The following DNAH11 variants were observed in gnomAD, a reference collection of about 807,000 sequenced individuals.
The protein encoded by DNAH11 is axonemal beta dynein heavy chain 11.
In DNAH11, 442 loss-of-function variants were observed where a neutral mutation model predicts 526.0. The observed-to-expected ratio is 0.84, with a 90% CI of 0.78 to 0.91. DNAH11 has a LOEUF of 0.91. DNAH11 is among the 40% of genes least tolerant of loss of function. DNAH11 has a pLI of 0.00. For missense variants in DNAH11, 6,989 were observed against 5,448.7 expected (o/e 1.28, Z -8.90); for synonymous variants, 2,461 against 1,935.9 (o/e 1.27, Z -7.12).
chr7:21,756,232 C>A (rs112667964), intron 54 of DNAH11, among the ~76,000 whole-genome samples: 10 of 152,080 alleles, frequency 6.6e-5, no homozygotes, highest in African/African-American at 1.9e-4. Flanking sequence ...AGATGGCTTT[C>A]CTACTGTTCC....
chr7:21,624,295 T>G (rs957971073), intron 25 of DNAH11, among the ~76,000 whole-genome samples: 1 of 152,200 alleles, frequency 6.6e-6, no homozygotes, highest in Non-Finnish European at 1.5e-5. Context: ...TTGGTTAAAT[T>G]TGCTCAAGTA....
rs1459160363 is a variant in DNAH11 at position 21,807,986 on chromosome 7, C to G, written c.10269C>G (p.Pro3423=). ...CGGCATTTGTGTCTTACGTCGGACC[C>G]TTCACAAGGCAGTATCGCCAGGAGC... ...LTAAFVSYVG[P]FTRQYRQELV... The change falls in exon 63 of 82, where the codon CCC becomes CCG. Residue 3423 remains proline (P), a synonymous_variant. Coordinates refer to ENST00000409508, the MANE Select transcript of DNAH11 (RefSeq NM_001277115.2). 1.9e-6 allele frequency: 3 copies of G among 1,596,836 alleles called. No individual in the cohort carries two copies. In the African/African-American group the frequency reaches 4.0e-5, roughly 21 times the overall value.
chr7:21,720,709 ATTTCTT>A lies in DNAH11; in HGVS notation c.7135-8_7135-3del. On this transcript the variant is annotated splice_polypyrimidine_tract_variant and intron_variant, in intron 43 of 81. Transcript: ENST00000409508. ...TAAAAAAATGTTGCCTTATTTGACT[ATTTCTT>A]TTTCTTTAGACTCTATGTGTTCTTT... is the stretch of plus-strand genomic sequence containing the variant. 2 of 1,539,052 alleles carry A rather than the reference ATTTCTT, an allele frequency of 1.3e-6. No individual in the cohort carries two copies. Among genetic ancestry groups the A allele is most frequent in the Non-Finnish European group, 1.7e-6 (2 of 1,144,038 alleles).
chr7:21,566,716 T>C lies in DNAH11; in HGVS notation c.1194+2319T>C, dbSNP rs529153357. On this transcript the variant is annotated intron_variant, in intron 6 of 81. Coordinates refer to ENST00000409508, the MANE Select transcript of DNAH11 (RefSeq NM_001277115.2). Reference sequence around the variant, plus strand: ...GCTCCATATTTTAAAATAAGTTTTTTTAATGTCTGAATGTGACCTAATACA... The same window carrying C: ...GCTCCATATTTTAAAATAAGTTTTTCTAATGTCTGAATGTGACCTAATACA... Among the ~76,000 whole-genome samples the C allele has an allele frequency of 7.9e-5, 12 of 152,302 alleles. No homozygotes were observed. In the East Asian group the frequency reaches 2.3e-3, roughly 29 times the overall value.
intron 3 of DNAH11, 131 bp downstream of exon 3, chr7:21,559,129 G>T: frequency 1.5e-6 from 1 of 684,396 alleles, no homozygotes; most frequent in East Asian, 2.8e-5. Flanking sequence ...TTCAAGACTA[G>T]CCTGGGCAGC....
In DNAH11 at chr7:21,707,723, T is replaced by C. The variant is rs1784323890; in HGVS notation, c.6571T>C (p.Tyr2191His). 3 of 1,613,490 alleles carry C rather than the reference T, an allele frequency of 1.9e-6. No individual in the cohort carries two copies. In the East Asian group the frequency reaches 6.7e-5, roughly 36 times the overall value. Residue 2191 changes from tyrosine (Y) to histidine (H), a missense_variant, in exon 40 of 82, where the codon TAT becomes CAT. By Grantham distance (83) the Tyr-to-His change is moderately conservative (BLOSUM62 2). Coordinates refer to ENST00000409508, the MANE Select transcript of DNAH11 (RefSeq NM_001277115.2). ...GATTTTGAGAACACTGAACCGAACATATGTTAACATGAAACAGAAGCCGGT... is the reference window on the plus strand; with the variant it reads ...GATTTTGAGAACACTGAACCGAACACATGTTAACATGAAACAGAAGCCGGT... ...SKILRTLNRT[Y>H]VNMKQKPVWN...
At chr7:21,551,819 A>T (rs919168678) in intron 2 of DNAH11, among the ~76,000 whole-genome samples, 2 of 152,030 alleles carry the variant, frequency 1.3e-5, no homozygotes, top group African/African-American at 2.4e-5. Flanking sequence ...TCTCCTTTCC[A>T]TAGGAAACCA....
intron 65 of DNAH11, among the ~76,000 whole-genome samples, chr7:21,820,317 T>A (rs992058928): frequency 6.6e-6 from 1 of 152,196 alleles, no homozygotes. Flanking sequence ...AATCAGTGAA[T>A]GTAAAGCAGA....
At chr7:21,782,180 C>T (rs1787975195) in intron 57 of DNAH11, among the ~76,000 whole-genome samples, 1 of 152,208 alleles carries the variant, frequency 6.6e-6, no homozygotes, top group Admixed American at 6.5e-5. Flanking sequence ...TTAAGAACAT[C>T]TGCAAGGGGC....
chr7:21,842,768 C>T lies in DNAH11; in HGVS notation c.10896+20C>T. Reference sequence around the variant, plus strand: ...CTTAAGGTAAAAATGTTTACGTCACCACCAACACTTAGTCGGCATTTGCTT... The same window carrying T: ...CTTAAGGTAAAAATGTTTACGTCACTACCAACACTTAGTCGGCATTTGCTT... On this transcript the variant is annotated intron_variant, in intron 66 of 81. Transcript: ENST00000409508. 1.9e-6 allele frequency: 3 copies of T among 1,577,692 alleles called. No individual in the cohort carries two copies. The highest frequency in any genetic ancestry group is 2.6e-6 in the Non-Finnish European group (3 of 1,159,526).
Position 21,900,107 on chromosome 7 carries a change from A to C in DNAH11, c.13290A>C (p.Gly4430=). Residue 4430 remains glycine, a synonymous_variant, in exon 81 of 82, where the codon GGA becomes GGC. Coordinates refer to ENST00000409508, the MANE Select transcript of DNAH11 (RefSeq NM_001277115.2). ...CAAGGGAAGGTGCATACCTCCACGG[A>C]CTCTTCATGGAGGGTAAGACACCCC... ...HPPREGAYLH[G]LFMEGARWDT... 1.2e-6 allele frequency: 2 copies of C among 1,613,340 alleles called. No individual in the cohort carries two copies. Among genetic ancestry groups the C allele is most frequent in the Non-Finnish European group, 1.7e-6 (2 of 1,179,614 alleles).
chr7:21,775,168 G>C (rs538992729), intron 56 of DNAH11, among the ~76,000 whole-genome samples: 1 of 152,278 alleles, frequency 6.6e-6, no homozygotes, highest in Non-Finnish European at 1.5e-5. Context: ...ACTGTGATCT[G>C]TACTAATAGT....
At position 21,773,975 on chromosome 7, in the gene DNAH11, A is replaced by G. The variant is rs886062181; in HGVS notation, c.9312A>G (p.Gln3104=). 7 of 1,570,950 alleles carry G rather than the reference A, an allele frequency of 4.5e-6. No individual in the cohort carries two copies. The Middle Eastern group carries it at 5.0e-4, about 113-fold the overall frequency. ...AAGAACGCCTGGTGAACGGCATCCA[A>G]AAGCTAAAAACCACAGCCTCTCAGG... is the stretch of plus-strand genomic sequence containing the variant. The part of the protein sequence containing the change: ...EKKERLVNGI[Q]KLKTTASQVG... Residue 3104 remains glutamine (Q), a synonymous_variant, in exon 56 of 82, where the codon CAA becomes CAG. Transcript: ENST00000409508.
chr7:21,822,480 A>G (rs552605910), intron 65 of DNAH11, among the ~76,000 whole-genome samples: 65 of 152,314 alleles, frequency 4.3e-4, no homozygotes, highest in African/African-American at 1.3e-3. Flanking sequence ...TCACATTTCA[A>G]CATGAGATTT....
At chr7:21,574,740 AC>A (rs1292821090) in intron 8 of DNAH11, among the ~76,000 whole-genome samples, 7 of 145,390 alleles carry the variant, frequency 4.8e-5, no homozygotes, top group African/African-American at 1.0e-4. Context: ...ATTTTTTTGT[AC>A]TTTTAGTAGA....
intron 30 of DNAH11, among the ~76,000 whole-genome samples, chr7:21,677,062 A>G (rs1046367471): frequency 1.3e-5 from 2 of 152,228 alleles, no homozygotes; most frequent in Non-Finnish European, 2.9e-5. Context: ...GGGGATGATG[A>G]GCAGTGAACA....
chr7:21,559,872 A>C (rs2128431323), intron 4 of DNAH11, 80 bp downstream of exon 4: 1 of 1,201,042 alleles, frequency 8.3e-7, no homozygotes. Flanking sequence ...TTAAAGATTT[A>C]ACACACTGTC....
chr7:21,813,848 T>C (rs972824898), intron 63 of DNAH11, among the ~76,000 whole-genome samples: 10 of 152,334 alleles, frequency 6.6e-5, no homozygotes, highest in Admixed American at 3.9e-4. Context: ...GCACGTGGTT[T>C]CCAAACCCAT....
At chr7:21,858,834 C>T (rs1228193068) in intron 68 of DNAH11, among the ~76,000 whole-genome samples, 2 of 152,082 alleles carry the variant, frequency 1.3e-5, no homozygotes, top group Non-Finnish European at 2.9e-5. Flanking sequence ...TGTCAAGACT[C>T]ATCAAACTGT....
Sources: allele counts gnomAD v4.1 joint callset (sites outside exome capture counted in the v4.1 genomes callset), GRCh38; gene constraint gnomAD v4.1.1; transcripts MANE v1.5; gene names NCBI Gene and HGNC (gene_info 2026-07-23, HGNC 2026-07-21).